CROCC: variants seen among roughly 807,000 people sequenced by gnomAD.
CROCC encodes the protein rootletin.
A neutral mutation model predicts 245.2 loss-of-function variants in CROCC; 180 were observed. That is an observed-to-expected ratio of 0.73 (90% confidence interval 0.65 to 0.83). The LOEUF (loss-of-function observed/expected upper bound fraction) is 0.83, where lower values mean the gene tolerates loss of function less well. CROCC is among the 40% of genes least tolerant of loss of function. The pLI, the probability that CROCC is intolerant of heterozygous loss-of-function variation, is 0.00. For missense variants in CROCC, 2,688 were observed against 2,779.4 expected, an observed-to-expected ratio of 0.97 and a Z score of 0.74; for synonymous variants, 1,205 against 1,241.6, an observed-to-expected ratio of 0.97 and a Z score of 0.62.
upstream of CROCC, among the ~76,000 whole-genome samples, chr1:16,918,305 T>TTA (rs2075332731): frequency 4.4e-5 from 2 of 45,474 alleles, no homozygotes; most frequent in Admixed American, 4.1e-4. Flanking sequence ...TCAGTCTTTT[T>TTA]TTTTTTTTTT....
chr1:16,921,876 C>A (rs1458574314), upstream of CROCC: 3 of 795,928 alleles, frequency 3.8e-6, no homozygotes, highest in African/African-American at 1.7e-5. Context: ...CCTCCCACCG[C>A]GGTGGTCACA....
chr1:16,968,466 C>A, intron 31 of CROCC, 48 bp downstream of exon 31: 1 of 1,441,962 alleles, frequency 6.9e-7, no homozygotes, highest in Non-Finnish European at 9.1e-7. Context: ...TGCCCTGTGC[C>A]AAGAGCTTTG....
chr1:16,924,412 A>G lies in CROCC; in HGVS notation c.284A>G (p.Asp95Gly). ...LLQQELSRVE[D>G]LLAQSRAERD... ...CAGCAGGAGCTGTCCCGCGTGGAGGACCTGCTGGCCCAGAGCCGTGCCGAG... is the reference window on the plus strand; with the variant it reads ...CAGCAGGAGCTGTCCCGCGTGGAGGGCCTGCTGGCCCAGAGCCGTGCCGAG... The change falls in exon 3 of 37, where the codon GAC becomes GGC. Residue 95 changes from aspartate to glycine, a missense_variant. Around this residue, in one of 9 missense-constraint regions of CROCC, gnomAD observed 972 missense variants for 895.3 expected, o/e 1.09. Coordinates refer to ENST00000375541, the MANE Select transcript of CROCC (RefSeq NM_014675.5). 6.2e-7 allele frequency: 1 copy of G among 1,613,314 alleles called. No individual in the cohort carries two copies. Among genetic ancestry groups the G allele is most frequent in the Non-Finnish European group, 8.5e-7 (1 of 1,179,902 alleles).
intron 13 of CROCC, chr1:16,940,726 TTTTGTTTTGC>T (rs1334718745): frequency 9.7e-5 from 24 of 246,450 alleles, no homozygotes; most frequent in African/African-American, 5.6e-4. Context: ...TTTTGTTTTG[TTTTGTTTTGC>T]TTTGTTTTGA....
rs2075760081 is a variant in CROCC, at chr1:16,935,110, G to A, written c.957-1527G>A. 2.6e-5 allele frequency among the ~76,000 whole-genome samples: 4 copies of A among 152,194 alleles called. No homozygotes were observed. In the South Asian group the frequency reaches 8.3e-4, roughly 32 times the overall value. On this transcript the variant is annotated intron_variant, in intron 8 of 36. Coordinates refer to ENST00000375541, the MANE Select transcript of CROCC (RefSeq NM_014675.5). ...AGGTGGGGTTTTGCCATGTTGGCCA[G>A]GCTGGTCTTGAACTCCTGACCTCAG...
rs2076543376 is a variant in CROCC, at chr1:16,972,687, C to T, written c.*241C>T. 1 of 375,880 alleles carries T rather than the reference C, an allele frequency of 2.7e-6. No homozygotes were observed. Among genetic ancestry groups the T allele is most frequent in the Non-Finnish European group, 4.8e-6 (1 of 209,472 alleles). 23.3% of individuals were successfully genotyped at this position (375,880 alleles called of 1,614,324 possible). On this transcript the variant is annotated 3_prime_UTR_variant, in exon 37 of 37. Transcript: ENST00000375541. ...TGAGCCACTGTAGATCATTAAAGTT[C>T]CTCCTTGAGAGGCTGAGCCGTAGCC...
chr1:16,965,005 G>A (rs899167415), intron 27 of CROCC, among the ~76,000 whole-genome samples: 8 of 151,966 alleles, frequency 5.3e-5, no homozygotes, highest in African/African-American at 1.5e-4. Flanking sequence ...CAGTAGAGAC[G>A]GGGTTTTACC....
At position 16,948,464 on chromosome 1, in the gene CROCC, T is replaced by C; in HGVS notation, c.2648T>C (p.Val883Ala). 2 of 1,559,096 alleles carry C rather than the reference T, an allele frequency of 1.3e-6. No individual in the cohort carries two copies. The highest frequency in any genetic ancestry group is 8.7e-7 in the Non-Finnish European group (1 of 1,153,162). Residue 883 changes from valine (V) to alanine (A), a missense_variant, in exon 18 of 37, where the codon GTG becomes GCG. Physicochemically the swap from Val to Ala is moderately conservative, Grantham distance 64 (BLOSUM62 0). Transcript: ENST00000375541. ...ALAKEHAGLA[V>A]QLVAAEREGR... ...GCCAAGGAGCACGCTGGCCTGGCTG[T>C]GCAGCTGGTGGCTGCGGAGCGTGAA...
chr1:16,941,918 T>C (rs1187461757), intron 13 of CROCC, among the ~76,000 whole-genome samples: 2 of 152,230 alleles, frequency 1.3e-5, no homozygotes, highest in African/African-American at 4.8e-5. Context: ...CCCAGGATGG[T>C]CTCAAACTCC....
At chr1:16,960,494 T>TA (rs1254731287) in intron 26 of CROCC, among the ~76,000 whole-genome samples, 1 of 152,244 alleles carries the variant, frequency 6.6e-6, no homozygotes, top group African/African-American at 2.4e-5. Flanking sequence ...TGATAAGCCC[T>TA]ATGTATTCAA....
intron 27 of CROCC, among the ~76,000 whole-genome samples, chr1:16,962,807 C>T (rs897094954): frequency 1.3e-5 from 2 of 150,630 alleles, no homozygotes; most frequent in Non-Finnish European, 2.9e-5. Flanking sequence ...GACCTCCAGT[C>T]GGGATGATCT....
intron 3 of CROCC, among the ~76,000 whole-genome samples, chr1:16,924,961 A>G (rs2075500228): frequency 6.6e-6 from 1 of 152,396 alleles, no homozygotes; most frequent in Non-Finnish European, 1.5e-5. Context: ...GCCTATTGGA[A>G]TGAGTTCCAG....
upstream of CROCC, among the ~76,000 whole-genome samples, chr1:16,921,594 C>A (rs1484185743): frequency 6.6e-6 from 1 of 152,296 alleles, no homozygotes; most frequent in Non-Finnish European, 1.5e-5. Flanking sequence ...ACTTAGGACT[C>A]TGGCCTTTCC....
chr1:16,959,220 C>T (rs748652253), intron 26 of CROCC, among the ~76,000 whole-genome samples: 5 of 152,110 alleles, frequency 3.3e-5, no homozygotes, highest in African/African-American at 2.4e-5. Context: ...GACAGGATTT[C>T]ACCATGTTGG....
rs555330192 is a variant in CROCC at position 16,941,124 on chromosome 1, T to C, written c.1808+1031T>C. 8 of 176,120 alleles carry C rather than the reference T, an allele frequency of 4.5e-5. No homozygotes were observed. The South Asian group carries it at 6.1e-4, about 13-fold the overall frequency. The allele number at this position is 176,120 out of a possible 1,614,324, so 10.9% of individuals were successfully genotyped here. A position where few individuals can be genotyped will look rare whatever the true frequency, so the allele number is the denominator to read the frequency against. ...ACTCCTCCCACCTCAGCCTCCCAAATTGCTGGGATTACAGGCATAAGCCAC... is the reference window on the plus strand; with the variant it reads ...ACTCCTCCCACCTCAGCCTCCCAAACTGCTGGGATTACAGGCATAAGCCAC... On this transcript the variant is annotated intron_variant, in intron 13 of 36. Transcript: ENST00000375541.
At chr1:16,921,411 AGGCT>A (rs1298994300), upstream of CROCC, among the ~76,000 whole-genome samples, 1 of 152,298 alleles carries the variant, frequency 6.6e-6, no homozygotes, top group Non-Finnish European at 1.5e-5. Flanking sequence ...TCATCAGTCC[AGGCT>A]GGACCGCTCA....
At chr1:16,928,589 G>A (rs1376138086) in intron 3 of CROCC, among the ~76,000 whole-genome samples, 1 of 152,072 alleles carries the variant, frequency 6.6e-6, no homozygotes, top group Non-Finnish European at 1.5e-5. Context: ...GGATTACGAG[G>A]TCAGGAGTTC....
rs763513344 is a variant in CROCC, at chr1:16,966,414, G to T, written c.4703G>T (p.Arg1568Leu). 2.6e-6 allele frequency: 4 copies of T among 1,531,714 alleles called. No individual in the cohort carries two copies. The highest frequency in any genetic ancestry group is 2.6e-6 in the Non-Finnish European group (3 of 1,142,000). The allele number at this position is 1,531,714 out of a possible 1,614,324, so 94.9% of individuals were successfully genotyped here. A position where few individuals can be genotyped will look rare whatever the true frequency, so the allele number is the denominator to read the frequency against. Residue 1568 changes from arginine (R) to leucine (L), a missense_variant, in exon 30 of 37, where the codon CGC (arginine) becomes CTC (leucine). Physicochemically the swap from Arg to Leu is moderately radical, Grantham distance 102 (BLOSUM62 -2). Coordinates refer to ENST00000375541, the MANE Select transcript of CROCC (RefSeq NM_014675.5). This position sits in a 1 kb window ranked among gnomAD's most constrained non-coding sequence, Gnocchi z 4.8. ...KAVAESEEAR[R>L]SVDGRLSGVQ... ...GGGTGGGTGGTGGCTACAGCCCGGCGCAGTGTGGATGGGCGGCTGAGCGGG... is the reference window on the plus strand; with the variant it reads ...GGGTGGGTGGTGGCTACAGCCCGGCTCAGTGTGGATGGGCGGCTGAGCGGG...
Position 16,954,915 on chromosome 1 carries a change from A to G in CROCC, c.3465+38A>G. The G allele has an allele frequency of 6.7e-7, 1 of 1,484,130 alleles. No homozygotes were observed. Among genetic ancestry groups the G allele is most frequent in the Non-Finnish European group, 9.0e-7 (1 of 1,108,400 alleles). 91.9% of individuals were successfully genotyped at this position (1,484,130 alleles called of 1,614,324 possible). A position where few individuals can be genotyped will look rare whatever the true frequency, so the allele number is the denominator to read the frequency against. On this transcript the variant is annotated intron_variant, in intron 23 of 36. Coordinates refer to ENST00000375541, the MANE Select transcript of CROCC (RefSeq NM_014675.5). The surrounding 1 kb of genome is among the most constrained non-coding windows in gnomAD (Gnocchi z 4.4). ...CCCCCTCTTCCAAGCAGCATACCCT[A>G]AATGGCACTGTGTGCCTGGGGGCCT...
Sources: gnomAD v4.1 joint callset for allele counts (sites outside exome capture counted in the v4.1 genomes callset) on GRCh38, gnomAD v4.1.1 for gene constraint, gnomAD v4.1.1 regional missense constraint, Gnocchi (gnomAD v3.1) non-coding constraint, MANE v1.5 for transcripts, NCBI Gene and HGNC (gene_info 2026-07-23, HGNC 2026-07-21) for gene names.